USP15: variants seen among roughly 807,000 people sequenced by gnomAD.
USP15 encodes the protein ubiquitin specific peptidase 15.
A neutral mutation model predicts 127.1 loss-of-function variants in USP15; 18 were observed. That is an observed-to-expected ratio of 0.14 (90% CI 0.10 to 0.21). USP15 has a LOEUF of 0.21. USP15 is among the 10% of genes least tolerant of loss of function. USP15 has a pLI of 1.00. For missense variants in USP15, 805 were observed against 1,159.9 expected, an observed-to-expected ratio of 0.69 and a Z score of 4.44; for synonymous variants, 364 against 393.7, an observed-to-expected ratio of 0.92 and a Z score of 0.89.
At chr12:62,402,305 C>T (rs910120711) in intron 21 of USP15, among the ~76,000 whole-genome samples, 14 of 151,934 alleles carry the variant, frequency 9.2e-5, no homozygotes, top group African/African-American at 3.4e-4. Flanking sequence ...AGATAGCTGT[C>T]ACTCAGTCCA....
chr12:62,392,626 T>A (rs1008020491), intron 18 of USP15, among the ~76,000 whole-genome samples: 1 of 152,148 alleles, frequency 6.6e-6, no homozygotes, highest in Admixed American at 6.5e-5. Context: ...TATTAATTCA[T>A]TTTAGTTACC....
At chr12:62,377,598 T>C (rs778050555) in intron 8 of USP15, among the ~76,000 whole-genome samples, 1 of 151,860 alleles carries the variant, frequency 6.6e-6, no homozygotes, top group Non-Finnish European at 1.5e-5. Flanking sequence ...CACGTGCCTG[T>C]AATCCCAGCT....
Position 62,325,250 on chromosome 12 carries a change from G to GCCT in USP15, c.622-620_622-618dup, listed in dbSNP as rs1257413233. 2.6e-5 allele frequency among the ~76,000 whole-genome samples: 4 copies of GCCT among 152,004 alleles called. No individual in the cohort carries two copies. In the East Asian group the frequency reaches 7.7e-4, roughly 29 times the overall value. The stretch of plus-strand genomic sequence containing the variant: ...TATTTATTAGAGGTGATTTCTGTCT[G>GCCT]CCTCATCCATGCTGTAACAGAGAAC... On this transcript the variant is annotated intron_variant, in intron 5 of 21. Coordinates refer to ENST00000280377, the MANE Select transcript of USP15 (RefSeq NM_001252078.2).
At chr12:62,314,076 A>G in intron 3 of USP15, 1 of 819,204 alleles carries the variant, frequency 1.2e-6, no homozygotes, top group South Asian at 5.6e-5. Flanking sequence ...ACCTTAATAT[A>G]TACATATTTC....
In USP15 at chr12:62,408,798, A is replaced by C. The variant is rs974851803; in HGVS notation, c.*4423A>C. 4 of 152,096 alleles carry C rather than the reference A, an allele frequency of 2.6e-5. No individual in the cohort carries two copies. The highest frequency in any genetic ancestry group is 9.6e-5 in the African/African-American group (4 of 41,458). The allele number at this position is 152,096 out of a possible 1,614,324, so 9.4% of individuals were successfully genotyped here. On this transcript the variant is annotated 3_prime_UTR_variant, in exon 22 of 22. Transcript: ENST00000280377. Reference sequence around the variant, plus strand: ...TCAGATTTTCTAGTGAGAAATATATATGATGGTTTTTTAATAATCATTTTA... The same window carrying C: ...TCAGATTTTCTAGTGAGAAATATATCTGATGGTTTTTTAATAATCATTTTA...
At chr12:62,371,152 T>C (rs1352041447) in intron 8 of USP15, among the ~76,000 whole-genome samples, 2 of 152,212 alleles carry the variant, frequency 1.3e-5, no homozygotes, top group Non-Finnish European at 2.9e-5. Context: ...TTAAAACCTG[T>C]GCCCCATCAC....
chr12:62,360,422 A>G (rs906640340), intron 8 of USP15, among the ~76,000 whole-genome samples: 1 of 152,072 alleles, frequency 6.6e-6, no homozygotes, highest in African/African-American at 2.4e-5. Flanking sequence ...TTAAAGATTT[A>G]ATTTAAGAGA....
At chr12:62,396,657 G>T (rs112559262) in intron 20 of USP15, among the ~76,000 whole-genome samples, 3 of 151,614 alleles carry the variant, frequency 2.0e-5, no homozygotes, top group Non-Finnish European at 4.4e-5. Flanking sequence ...TTCCCTCCAC[G>T]TTCTCCTTCC....
intron 8 of USP15, among the ~76,000 whole-genome samples, chr12:62,358,685 C>A (rs2066216864): frequency 6.6e-6 from 1 of 152,110 alleles, no homozygotes; most frequent in Admixed American, 6.6e-5. Flanking sequence ...CATTACACTC[C>A]AGCCTGGGTG....
intron 7 of USP15, among the ~76,000 whole-genome samples, chr12:62,351,045 T>G (rs527928200): frequency 6.6e-6 from 1 of 152,290 alleles, no homozygotes; most frequent in South Asian, 2.1e-4. Flanking sequence ...AACAATGACA[T>G]GTATTTTTAT....
intron 6 of USP15, among the ~76,000 whole-genome samples, chr12:62,330,265 C>T (rs1254363857): frequency 6.6e-6 from 1 of 151,464 alleles, no homozygotes. Context: ...GATACAGATT[C>T]TTTTTTCTGG....
chr12:62,262,490 G>C (rs995506077), intron 1 of USP15, among the ~76,000 whole-genome samples: 1 of 152,084 alleles, frequency 6.6e-6, no homozygotes, highest in Admixed American at 6.5e-5. Context: ...AAGTGTTATT[G>C]TCTCTCATTA....
intron 4 of USP15, among the ~76,000 whole-genome samples, chr12:62,317,373 A>C (rs1055651118): frequency 6.6e-6 from 1 of 152,272 alleles, no homozygotes; most frequent in Non-Finnish European, 1.5e-5. Context: ...GAGATTTAGA[A>C]TCTACTTCAA....
chr12:62,280,457 C>T (rs900367281), intron 1 of USP15, among the ~76,000 whole-genome samples: 2 of 152,124 alleles, frequency 1.3e-5, no homozygotes, highest in Admixed American at 1.3e-4. Flanking sequence ...TCCAAGATGA[C>T]TAGGTACTGG....
rs1156264388 is a variant in USP15, at chr12:62,412,647, C to T, written c.*8272C>T. 1 of 152,592 alleles carries T rather than the reference C, an allele frequency of 6.6e-6. No individual in the cohort carries two copies. The highest frequency in any genetic ancestry group is 1.5e-5 in the Non-Finnish European group (1 of 68,328). The allele number at this position is 152,592 out of a possible 1,614,324, so 9.5% of individuals were successfully genotyped here. On this transcript the variant is annotated 3_prime_UTR_variant, in exon 22 of 22. Transcript: ENST00000280377. ...AGATGTTGAGATTGTCAAGAAACTA[C>T]TTTCCTTGCCCACCCATAAGAAGCA...
intron 1 of USP15, among the ~76,000 whole-genome samples, chr12:62,293,061 G>T (rs945294008): frequency 6.6e-6 from 1 of 152,106 alleles, no homozygotes; most frequent in African/African-American, 2.4e-5. Flanking sequence ...GCAACCCAGC[G>T]TGAGCTTGCA....
At chr12:62,386,471 G>A (rs1368949308) in intron 11 of USP15, among the ~76,000 whole-genome samples, 1 of 152,036 alleles carries the variant, frequency 6.6e-6, no homozygotes, top group African/African-American at 2.4e-5. Flanking sequence ...TGCTCTGACA[G>A]GGTGCTGCAA....
At chr12:62,305,302 G>A (rs188148332) in intron 3 of USP15, among the ~76,000 whole-genome samples, 2 of 152,206 alleles carry the variant, frequency 1.3e-5, no homozygotes, top group Admixed American at 1.3e-4. Context: ...ATAATAGCCA[G>A]AGAAAAAGAC....
At chr12:62,262,126 T>C (rs892253831) in intron 1 of USP15, among the ~76,000 whole-genome samples, 20 of 152,022 alleles carry the variant, frequency 1.3e-4, no homozygotes, top group African/African-American at 4.6e-4. Flanking sequence ...TGGTCCCAGC[T>C]ACTCAGGAGG....
Sources: gnomAD v4.1 joint callset for allele counts (sites outside exome capture counted in the v4.1 genomes callset) on GRCh38, gnomAD v4.1.1 for gene constraint, MANE v1.5 for transcripts, NCBI Gene and HGNC (gene_info 2026-07-23, HGNC 2026-07-21) for gene names.